Variants in DOCK2 observed in about 807,000 individuals in gnomAD.
DOCK2 encodes the protein dedicator of cytokinesis protein 2.
Under a neutral mutation model 248.9 loss-of-function variants are expected in DOCK2, and 87 were observed. The ratio of observed to expected loss-of-function variants is 0.35; its 90% CI spans 0.29 to 0.42. The LOEUF (loss-of-function observed/expected upper bound fraction) is 0.42, where lower values mean the gene tolerates loss of function less well. Ranked by LOEUF, DOCK2 falls within the 10% of genes least tolerant of loss-of-function variation. DOCK2 has a pLI of 1.00. For missense variants in DOCK2, 1,747 were observed against 2,300.2 expected (o/e 0.76, Z 4.92); for synonymous variants, 805 against 821.6 (o/e 0.98, Z 0.35).
chr5:169,812,916 A>G (rs1416022874), intron 26 of DOCK2, among the ~76,000 whole-genome samples: 1 of 152,268 alleles, frequency 6.6e-6, no homozygotes, highest in Non-Finnish European at 1.5e-5. Context: ...GGTGGCAGCC[A>G]GATGGTTTGG....
chr5:170,026,221 C>T (rs1290789279), intron 33 of DOCK2, among the ~76,000 whole-genome samples: 1 of 152,148 alleles, frequency 6.6e-6, no homozygotes, highest in South Asian at 2.1e-4. Flanking sequence ...CCTAAAGATT[C>T]CAACTCCATG....
chr5:169,848,283 G>C (rs955740563), intron 27 of DOCK2, among the ~76,000 whole-genome samples: 2 of 152,238 alleles, frequency 1.3e-5, no homozygotes, highest in Non-Finnish European at 2.9e-5. Flanking sequence ...TTGAGCAGCA[G>C]AGGATGAAAG....
intron 27 of DOCK2, among the ~76,000 whole-genome samples, chr5:169,848,123 A>G (rs575663674): frequency 1.3e-5 from 2 of 152,356 alleles, no homozygotes; most frequent in South Asian, 4.1e-4. Flanking sequence ...GCTGCCAATT[A>G]TAATGTGACA....
chr5:169,865,880 T>C (rs991443035), intron 27 of DOCK2, among the ~76,000 whole-genome samples: 1 of 152,180 alleles, frequency 6.6e-6, no homozygotes, highest in Non-Finnish European at 1.5e-5. Context: ...TGCCCTTGCT[T>C]ACTCTCCCCA....
intron 26 of DOCK2, among the ~76,000 whole-genome samples, chr5:169,803,511 AG>A (rs1380974957): frequency 6.6e-6 from 1 of 152,172 alleles, no homozygotes; most frequent in Admixed American, 6.5e-5. Flanking sequence ...CCTAGTTTGC[AG>A]GGGTGGGAGG....
chr5:169,925,605 AG>A (rs1561829040), intron 27 of DOCK2, among the ~76,000 whole-genome samples: 21 of 148,764 alleles, frequency 1.4e-4, no homozygotes, highest in Admixed American at 1.0e-3. Flanking sequence ...AAAAAAAAAA[AG>A]CATTGTCCTG....
At chr5:169,771,387 G>A (rs1209252894) in intron 25 of DOCK2, among the ~76,000 whole-genome samples, 4 of 152,138 alleles carry the variant, frequency 2.6e-5, no homozygotes, top group East Asian at 1.9e-4. Flanking sequence ...AGGTTCAAGC[G>A]ATTCTCCTGC....
chr5:169,719,990 T>A (rs1382454323), intron 22 of DOCK2, among the ~76,000 whole-genome samples: 1 of 152,188 alleles, frequency 6.6e-6, no homozygotes, highest in Non-Finnish European at 1.5e-5. Context: ...GCTTTATATT[T>A]GACAGTGCAT....
intron 27 of DOCK2, among the ~76,000 whole-genome samples, chr5:169,962,014 G>A (rs977614920): frequency 4.1e-5 from 6 of 145,664 alleles, no homozygotes; most frequent in Non-Finnish European, 8.9e-5. Context: ...AAGAATAGAG[G>A]CCAGAACTTA....
intron 42 of DOCK2, among the ~76,000 whole-genome samples, chr5:170,056,212 G>A (rs1455576219): frequency 6.6e-6 from 1 of 152,198 alleles, no homozygotes; most frequent in Non-Finnish European, 1.5e-5. Flanking sequence ...GCACCCATGA[G>A]CAGGGGACAA....
chr5:169,725,941 T>C (rs1216730908), intron 22 of DOCK2, among the ~76,000 whole-genome samples: 1 of 152,200 alleles, frequency 6.6e-6, no homozygotes, highest in Non-Finnish European at 1.5e-5. Context: ...GTCTTTGCTA[T>C]TGTGAATAGT....
chr5:169,979,347 G>A (rs1241962177), intron 27 of DOCK2, among the ~76,000 whole-genome samples: 1 of 152,212 alleles, frequency 6.6e-6, no homozygotes, highest in African/African-American at 2.4e-5. Flanking sequence ...GGTGGATATG[G>A]AAGTAAGGTC....
chr5:169,995,325 G>A (rs773005088), intron 29 of DOCK2, among the ~76,000 whole-genome samples: 6 of 152,130 alleles, frequency 3.9e-5, no homozygotes, highest in African/African-American at 4.8e-5. Flanking sequence ...CACTGCACCC[G>A]GCCCATTTGA....
intron 23 of DOCK2, among the ~76,000 whole-genome samples, chr5:169,753,405 T>C (rs556100099): frequency 1.1e-4 from 16 of 146,776 alleles, no homozygotes; most frequent in African/African-American, 4.0e-4. Flanking sequence ...CCCCACCCTG[T>C]GTTCTTATTC....
intron 26 of DOCK2, among the ~76,000 whole-genome samples, chr5:169,825,097 G>A (rs530599203): frequency 3.9e-5 from 6 of 152,240 alleles, no homozygotes; most frequent in African/African-American, 9.6e-5. Flanking sequence ...TTAGAATGGT[G>A]ATCATTAAAA....
At chr5:169,955,273 G>T (rs1371746216) in intron 27 of DOCK2, among the ~76,000 whole-genome samples, 1 of 152,184 alleles carries the variant, frequency 6.6e-6, no homozygotes, top group African/African-American at 2.4e-5. Flanking sequence ...AGGGCATCTG[G>T]ACAGTGCCAG....
intron 2 of DOCK2, among the ~76,000 whole-genome samples, chr5:169,666,095 A>G (rs1758712369): frequency 1.3e-5 from 2 of 152,172 alleles, no homozygotes; most frequent in African/African-American, 4.8e-5. Flanking sequence ...GAGACTGGAA[A>G]GTTGAAGATC....
intron 6 of DOCK2, among the ~76,000 whole-genome samples, chr5:169,677,901 T>C (rs1380068209): frequency 6.6e-6 from 1 of 152,178 alleles, no homozygotes; most frequent in Non-Finnish European, 1.5e-5. Flanking sequence ...GTGGGAGGCA[T>C]GCAGGAGCTG....
At chr5:170,051,918 C>A (rs1208821945) in intron 41 of DOCK2, among the ~76,000 whole-genome samples, 1 of 152,116 alleles carries the variant, frequency 6.6e-6, no homozygotes, top group African/African-American at 2.4e-5. Flanking sequence ...TATTAGGGTG[C>A]CGTATAAGTG....
Sources: gnomAD v4.1 joint callset for allele counts (sites outside exome capture counted in the v4.1 genomes callset) on GRCh38, gnomAD v4.1.1 for gene constraint, MANE v1.5 for transcripts, NCBI Gene and HGNC (gene_info 2026-07-23, HGNC 2026-07-21) for gene names.